SNAP91: variants seen among roughly 807,000 people sequenced by gnomAD.
SNAP91 encodes clathrin coat assembly protein AP180.
Under a neutral mutation model 100.3 loss-of-function variants are expected in SNAP91, and 27 were observed. That is an observed-to-expected ratio of 0.27 (90% CI 0.20 to 0.37). SNAP91 has a LOEUF of 0.37. Among genes scored for constraint, SNAP91 ranks in the 10% least tolerant of loss-of-function variants. SNAP91 has a pLI of 1.00. For missense variants in SNAP91, 986 were observed against 1,123.7 expected (o/e 0.88, Z 1.75); for synonymous variants, 404 against 398.6 (o/e 1.01, Z -0.16).
intron 22 of SNAP91, among the ~76,000 whole-genome samples, chr6:83,589,540 A>G (rs900544730): frequency 6.6e-6 from 1 of 152,184 alleles, no homozygotes; most frequent in African/African-American, 2.4e-5. Flanking sequence ...GTTCTCAGCA[A>G]TATCATGGTG....
At chr6:83,603,360 G>T (rs2095404435) in intron 14 of SNAP91, among the ~76,000 whole-genome samples, 1 of 151,998 alleles carries the variant, frequency 6.6e-6, no homozygotes, top group Non-Finnish European at 1.5e-5. Flanking sequence ...CATTTTGTCA[G>T]AAATATAATT....
At chr6:83,654,660 C>G (rs2098339897) in intron 7 of SNAP91, among the ~76,000 whole-genome samples, 2 of 152,176 alleles carry the variant, frequency 1.3e-5, no homozygotes, top group African/African-American at 4.8e-5. Context: ...CTAGCAGAAT[C>G]CACACTGTTT....
At chr6:83,637,572 T>C (rs2097513670) in intron 8 of SNAP91, among the ~76,000 whole-genome samples, 1 of 152,206 alleles carries the variant, frequency 6.6e-6, no homozygotes, top group Non-Finnish European at 1.5e-5. Flanking sequence ...CAGGAGCATT[T>C]TGACTGGCTA....
chr6:83,664,094 T>C (rs1181236053), intron 3 of SNAP91, among the ~76,000 whole-genome samples: 1 of 152,108 alleles, frequency 6.6e-6, no homozygotes, highest in Non-Finnish European at 1.5e-5. Flanking sequence ...TGAGACTTAC[T>C]GCTCAGAAAA....
chr6:83,704,895 A>G (rs1034288686), intron 2 of SNAP91, among the ~76,000 whole-genome samples: 7 of 152,196 alleles, frequency 4.6e-5, no homozygotes, highest in Non-Finnish European at 8.8e-5. Context: ...GAGAATCTTC[A>G]ATGCCTATAA....
At chr6:83,672,831 A>C (rs1210062970) in intron 2 of SNAP91, among the ~76,000 whole-genome samples, 2 of 152,174 alleles carry the variant, frequency 1.3e-5, no homozygotes, top group Admixed American at 1.3e-4. Context: ...TCAGCAGCCT[A>C]ATTTAGGAAA....
Position 83,612,763 on chromosome 6 carries a change from C to T in SNAP91, c.885-2086G>A, listed in dbSNP as rs997324661. 1.4e-4 allele frequency among the ~76,000 whole-genome samples: 22 copies of T among 151,826 alleles called. No homozygotes were observed. In the East Asian group the frequency reaches 2.9e-3, roughly 20 times the overall value. ...AAAATTAGCTGGGTGTGGTGGCACG[C>T]GCCTGTAATCCCAGCTACTCAGGAG... On this transcript the variant is annotated intron_variant, in intron 11 of 29. Coordinates refer to ENST00000369694, the MANE Select transcript of SNAP91 (RefSeq NM_001242792.2).
chr6:83,588,792 T>A (rs1474815567), intron 22 of SNAP91, among the ~76,000 whole-genome samples: 1 of 152,136 alleles, frequency 6.6e-6, no homozygotes, highest in Non-Finnish European at 1.5e-5. Flanking sequence ...AGAAACACAA[T>A]ATCTCAGGTT....
intron 16 of SNAP91, among the ~76,000 whole-genome samples, chr6:83,595,870 T>C (rs973484077): frequency 2.0e-5 from 3 of 152,216 alleles, no homozygotes; most frequent in African/African-American, 4.8e-5. Context: ...AAACACTCTT[T>C]AGTAATGCAG....
chr6:83,678,434 TA>T (rs962632151), intron 2 of SNAP91, among the ~76,000 whole-genome samples: 2 of 151,782 alleles, frequency 1.3e-5, no homozygotes, highest in East Asian at 1.9e-4. Context: ...TCTCGAGCCA[TA>T]AAAAAAACAG....
intron 17 of SNAP91, 67 bp from the exon 18 acceptor site, chr6:83,593,808 A>C: frequency 1.3e-6 from 2 of 1,507,922 alleles, no homozygotes; most frequent in Admixed American, 4.5e-5. Flanking sequence ...CAGCATCATA[A>C]CTATGGCAAG....
At chr6:83,649,081 C>T (rs2098085739) in intron 7 of SNAP91, among the ~76,000 whole-genome samples, 1 of 152,202 alleles carries the variant, frequency 6.6e-6, no homozygotes, top group Non-Finnish European at 1.5e-5. Context: ...TTTGATTTCA[C>T]TTCTAGGCCT....
intron 14 of SNAP91, among the ~76,000 whole-genome samples, chr6:83,602,547 T>C (rs144197379): frequency 1.3e-5 from 2 of 152,344 alleles, no homozygotes; most frequent in African/African-American, 2.4e-5. Context: ...TTTTGCTTAG[T>C]CAAATAAACA....
chr6:83,566,404 A>C (rs578021618), intron 26 of SNAP91, among the ~76,000 whole-genome samples: 1 of 152,308 alleles, frequency 6.6e-6, no homozygotes, highest in African/African-American at 2.4e-5. Context: ...AATACCTATA[A>C]AATTATATTT....
At chr6:83,575,680 T>C (rs1817476606) in intron 25 of SNAP91, 2 of 247,266 alleles carry the variant, frequency 8.1e-6, no homozygotes, top group East Asian at 2.3e-4. Flanking sequence ...TAATACTCCA[T>C]GAAAGACTTT....
At chr6:83,688,569 T>A (rs2128969067) in intron 2 of SNAP91, among the ~76,000 whole-genome samples, 1 of 150,948 alleles carries the variant, frequency 6.6e-6, no homozygotes, top group South Asian at 2.1e-4. Flanking sequence ...AGTGGTGCAG[T>A]CTCGGCTCAC....
Position 83,593,590 on chromosome 6 carries a change from G to A in SNAP91, c.1584C>T (p.Ala528=), listed in dbSNP as rs369214254. 78 of 1,572,336 alleles carry A rather than the reference G, an allele frequency of 5.0e-5. No individual in the cohort carries two copies. Among genetic ancestry groups the A allele is most frequent in the South Asian group, 9.2e-5 (8 of 86,616 alleles). The change falls in exon 18 of 30, where the codon GCC becomes GCT. Residue 528 remains alanine (A), a synonymous_variant. Coordinates refer to ENST00000369694, the MANE Select transcript of SNAP91 (RefSeq NM_001242792.2). The part of the protein sequence containing the change: ...VPATAPSPAP[A]VAAAAAATTA... ...TAGTGGCAGCAGCAGCAGCTGCAAC[G>A]GCAGGAGCAGGAGAAGGAGCAGTTG...
intron 2 of SNAP91, among the ~76,000 whole-genome samples, chr6:83,695,569 G>A (rs2099195855): frequency 6.6e-6 from 1 of 152,078 alleles, no homozygotes; most frequent in Non-Finnish European, 1.5e-5. Context: ...TAAAGCTGTA[G>A]AATTCAACTT....
At chr6:83,630,671 T>C (rs1197951514) in intron 8 of SNAP91, among the ~76,000 whole-genome samples, 1 of 152,178 alleles carries the variant, frequency 6.6e-6, no homozygotes. Flanking sequence ...TGTATTTCTG[T>C]GGTGTCAGTT....
Sources: allele counts gnomAD v4.1 joint callset (sites outside exome capture counted in the v4.1 genomes callset), GRCh38; gene constraint gnomAD v4.1.1; transcripts MANE v1.5; gene names NCBI Gene and HGNC (gene_info 2026-07-23, HGNC 2026-07-21).